Variants in NCOA3 observed in about 807,000 individuals in gnomAD.
NCOA3 encodes nuclear receptor coactivator 3, also known as CBP-interacting protein.
In NCOA3, 51 loss-of-function variants were observed where a neutral mutation model predicts 158.8. The observed-to-expected ratio is 0.32, with a 90% CI of 0.26 to 0.41. NCOA3 has a LOEUF of 0.41. Among genes scored for constraint, NCOA3 ranks in the 10% least tolerant of loss-of-function variants. The pLI, the probability that NCOA3 is intolerant of heterozygous loss-of-function variation, is 1.00. For synonymous variants in NCOA3, 537 were observed against 592.4 expected, an observed-to-expected ratio of 0.91 and a Z score of 1.36; for missense variants, 1,510 against 1,746.6, an observed-to-expected ratio of 0.86 and a Z score of 2.41.
At position 47,641,486 on chromosome 20, in the gene NCOA3, CCTT is replaced by C. The variant is rs1400363765; in HGVS notation, c.3081-723_3081-721del. 1.3e-4 allele frequency among the ~76,000 whole-genome samples: 15 copies of C among 116,862 alleles called. No homozygotes were observed. The East Asian group carries it at 3.0e-3, about 23-fold the overall frequency. 76.7% of individuals were successfully genotyped at this position (116,862 alleles called of 152,430 possible). On this transcript the variant is annotated intron_variant, in intron 16 of 22. Coordinates refer to ENST00000371998, the MANE Select transcript of NCOA3 (RefSeq NM_181659.3). ...AGGTGTCAGCCACCACGCCTGGCTC[CCTT>C]CTTTTTTTTTTTTTTTTTTTTTTTT...
rs2086884153 is a variant in NCOA3, at chr20:47,656,743, A to AAAAAATAGAAATTATTCTTTATCTTGC, written c.*3330_*3356dup. Reference sequence around the variant, plus strand: ...AATCAAGTTTACATTATGTTGCTTAAAAAAATAGAAATTATTCTTTATCTT... The same window carrying AAAAAATAGAAATTATTCTTTATCTTGC: ...AATCAAGTTTACATTATGTTGCTTAAAAAAATAGAAATTATTCTTTATCTTGCAAAAATAGAAATTATTCTTTATCTT... On this transcript the variant is annotated 3_prime_UTR_variant, in exon 23 of 23. Coordinates refer to ENST00000371998, the MANE Select transcript of NCOA3 (RefSeq NM_181659.3). The AAAAAATAGAAATTATTCTTTATCTTGC allele has an allele frequency of 2.0e-5, 3 of 152,544 alleles. No homozygotes were observed. The highest frequency in any genetic ancestry group is 2.0e-4 in the Admixed American group (3 of 15,262). 9.4% of individuals were successfully genotyped at this position (152,544 alleles called of 1,614,324 possible). A position where few individuals can be genotyped will look rare whatever the true frequency, so the allele number is the denominator to read the frequency against.
chr20:47,525,998 C>G (rs926933124), intron 1 of NCOA3, among the ~76,000 whole-genome samples: 1 of 151,584 alleles, frequency 6.6e-6, no homozygotes, highest in Non-Finnish European at 1.5e-5. Context: ...CTCCTCACTT[C>G]CCAGACGGGG....
At chr20:47,587,849 C>A (rs1439760001) in intron 2 of NCOA3, among the ~76,000 whole-genome samples, 1 of 152,086 alleles carries the variant, frequency 6.6e-6, no homozygotes, top group African/African-American at 2.4e-5. Context: ...TATTCCATGT[C>A]TACAGGGTTC....
At chr20:47,576,466 C>A (rs534916009) in intron 1 of NCOA3, among the ~76,000 whole-genome samples, 38 of 152,224 alleles carry the variant, frequency 2.5e-4, no homozygotes, top group African/African-American at 8.9e-4. Context: ...TTGTTAGATA[C>A]TACAGGCTAA....
chr20:47,515,147 CTA>C (rs937879680), intron 1 of NCOA3, among the ~76,000 whole-genome samples: 1 of 151,052 alleles, frequency 6.6e-6, no homozygotes. Context: ...CTTTTAATAG[CTA>C]TATATATATA....
chr20:47,543,941 T>C (rs1366248478), intron 1 of NCOA3, among the ~76,000 whole-genome samples: 1 of 152,178 alleles, frequency 6.6e-6, no homozygotes, highest in Non-Finnish European at 1.5e-5. Flanking sequence ...TATTCTCCTG[T>C]GGTAAAAAAC....
intron 2 of NCOA3, among the ~76,000 whole-genome samples, chr20:47,608,654 A>C (rs906781982): frequency 1.3e-5 from 2 of 152,000 alleles, no homozygotes; most frequent in Admixed American, 1.3e-4. Context: ...AAAAAAAAAA[A>C]AAAAAAGGTG....
intron 8 of NCOA3, chr20:47,630,598 G>C (rs1336265091): frequency 1.3e-5 from 2 of 151,862 alleles, no homozygotes; most frequent in South Asian, 2.1e-4. Flanking sequence ...GAGTTGCTGG[G>C]ACTACAGGTA....
chr20:47,603,463 G>A (rs2085896318), intron 2 of NCOA3, among the ~76,000 whole-genome samples: 1 of 152,244 alleles, frequency 6.6e-6, no homozygotes, highest in Non-Finnish European at 1.5e-5. Flanking sequence ...CCAAGCCCAA[G>A]TAGGCATGTG....
At chr20:47,519,504 C>G (rs1052216861) in intron 1 of NCOA3, among the ~76,000 whole-genome samples, 1 of 151,956 alleles carries the variant, frequency 6.6e-6, no homozygotes, top group Non-Finnish European at 1.5e-5. Context: ...CTGAGATGGG[C>G]CCAACAACTA....
rs985782640 is a variant in NCOA3 at position 47,654,656 on chromosome 20, ATTAT to A, written c.*1242_*1245del. 4 of 152,408 alleles carry A rather than the reference ATTAT, an allele frequency of 2.6e-5. No individual in the cohort carries two copies. Among genetic ancestry groups the A allele is most frequent in the Non-Finnish European group, 4.4e-5 (3 of 68,018 alleles). 9.4% of individuals were successfully genotyped at this position (152,408 alleles called of 1,614,324 possible). ...CTTAATCTAAATGCTTTTTAAAGAG[ATTAT>A]TTGTTTAGATGTAGGCATTTTAATT... On this transcript the variant is annotated 3_prime_UTR_variant, in exon 23 of 23. Transcript: ENST00000371998.
At chr20:47,546,470 C>G (rs1290205567) in intron 1 of NCOA3, among the ~76,000 whole-genome samples, 1 of 151,796 alleles carries the variant, frequency 6.6e-6, no homozygotes, top group Non-Finnish European at 1.5e-5. Context: ...CTTATTTCAC[C>G]CGGAGTAGAA....
At chr20:47,603,536 C>T (rs2085898177) in intron 2 of NCOA3, among the ~76,000 whole-genome samples, 2 of 152,224 alleles carry the variant, frequency 1.3e-5, no homozygotes, top group South Asian at 4.1e-4. Flanking sequence ...AGCTCAGGGC[C>T]TTCTTGGTAT....
chr20:47,558,991 A>G (rs1473319588), intron 1 of NCOA3, among the ~76,000 whole-genome samples: 1 of 152,100 alleles, frequency 6.6e-6, no homozygotes, highest in African/African-American at 2.4e-5. Context: ...CAGTGATGGC[A>G]TCTTCAATGG....
rs777622937 is a variant in NCOA3 at position 47,615,228 on chromosome 20, A to T, written c.-19-7001A>T. Among the ~76,000 whole-genome samples the T allele has an allele frequency of 3.9e-5, 6 of 152,198 alleles. No individual in the cohort carries two copies. The South Asian group carries it at 6.2e-4, about 16-fold the overall frequency. On this transcript the variant is annotated intron_variant, in intron 2 of 22. Transcript: ENST00000371998. The stretch of plus-strand genomic sequence containing the variant: ...TCTAGTATTGTACTACCACAAAATT[A>T]TCTCCTTATTTCTCCCTTATTAATT...
At chr20:47,627,862 T>C (rs770175998) in intron 7 of NCOA3, 60 bp from the exon 8 acceptor site, 18 of 1,578,920 alleles carry the variant, frequency 1.1e-5, no homozygotes, top group Non-Finnish European at 1.4e-5. Flanking sequence ...TGCTTGCCTA[T>C]TGAACATATA....
intron 2 of NCOA3, among the ~76,000 whole-genome samples, chr20:47,599,251 C>A (rs1452925957): frequency 6.6e-6 from 1 of 152,080 alleles, no homozygotes; most frequent in Non-Finnish European, 1.5e-5. Flanking sequence ...AAGCCAGTCA[C>A]AAAGAACTAG....
intron 1 of NCOA3, among the ~76,000 whole-genome samples, chr20:47,550,459 A>AG (rs1026149668): frequency 6.6e-6 from 1 of 151,334 alleles, no homozygotes; most frequent in Non-Finnish European, 1.5e-5. Flanking sequence ...AAAAAAAAAA[A>AG]AAAAAGGTGG....
At position 47,628,027 on chromosome 20, in the gene NCOA3, A is replaced by C. The variant is rs1477745797; in HGVS notation, c.823+4A>C. ...ATTACCAGACATGATCTTTCAGGTAAAAACTCTTTTTTTGTCTCTCTCTCT... is the reference window on the plus strand; with the variant it reads ...ATTACCAGACATGATCTTTCAGGTACAAACTCTTTTTTTGTCTCTCTCTCT... On this transcript the variant is annotated splice_donor_region_variant and intron_variant, in intron 8 of 22. Coordinates refer to ENST00000371998, the MANE Select transcript of NCOA3 (RefSeq NM_181659.3). 3.7e-6 allele frequency: 6 copies of C among 1,608,416 alleles called. No individual in the cohort carries two copies. The highest frequency in any genetic ancestry group is 5.1e-6 in the Non-Finnish European group (6 of 1,174,962).
Sources: allele counts gnomAD v4.1 joint callset (sites outside exome capture counted in the v4.1 genomes callset), GRCh38; gene constraint gnomAD v4.1.1; transcripts MANE v1.5; gene names NCBI Gene and HGNC (gene_info 2026-07-23, HGNC 2026-07-21).